Variants in GPC6 observed in about 807,000 individuals in gnomAD.
The protein encoded by GPC6 is glypican-6.
In GPC6, 14 loss-of-function variants were observed where a neutral mutation model predicts 55.2. That is an observed-to-expected ratio of 0.25 (90% CI 0.17 to 0.40). The LOEUF (loss-of-function observed/expected upper bound fraction) is 0.40, where lower values mean the gene tolerates loss of function less well. GPC6 is among the 10% of genes least tolerant of loss of function. The probability of loss-of-function intolerance (pLI) is 1.00; values close to 1 mark genes in which losing one functional copy is unlikely to be tolerated. For missense variants in GPC6, 641 were observed against 708.5 expected (o/e 0.90, Z 1.08); for synonymous variants, 278 against 259.6 (o/e 1.07, Z -0.68).
the GPC6 span, among the ~76,000 whole-genome samples, chr13:93,220,911 G>T: frequency 6.6e-6 from 1 of 151,850 alleles, no homozygotes; most frequent in African/African-American, 2.4e-5. Flanking sequence ...TTTGTGATGG[G>T]CTCTTACTGT....
At chr13:93,871,560 A>G (rs1889133405) in intron 3 of GPC6, among the ~76,000 whole-genome samples, 2 of 151,968 alleles carry the variant, frequency 1.3e-5, no homozygotes, top group Admixed American at 6.6e-5. Context: ...ACACTTCACT[A>G]TAGAGTAAAT....
At chr13:93,813,210 G>A (rs940434847) in intron 2 of GPC6, among the ~76,000 whole-genome samples, 4 of 152,170 alleles carry the variant, frequency 2.6e-5, no homozygotes, top group African/African-American at 9.6e-5. Context: ...AAGGTCAGGA[G>A]TTCGAGACCA....
chr13:94,004,370 G>C (rs1881928980), intron 3 of GPC6, among the ~76,000 whole-genome samples: 1 of 151,780 alleles, frequency 6.6e-6, no homozygotes, highest in Non-Finnish European at 1.5e-5. Context: ...ACTTAACAAT[G>C]TCTGAATGCT....
intron 2 of GPC6, among the ~76,000 whole-genome samples, chr13:93,662,197 G>A (rs1451244505): frequency 6.6e-6 from 1 of 152,100 alleles, no homozygotes; most frequent in Non-Finnish European, 1.5e-5. Context: ...TGAGTTTTCT[G>A]TTATTCATAA....
chr13:93,262,986 G>A (rs2139042788), intron 1 of GPC6, among the ~76,000 whole-genome samples: 1 of 152,294 alleles, frequency 6.6e-6, no homozygotes, highest in East Asian at 1.9e-4. Flanking sequence ...GTCTGGGTTT[G>A]CTAGCTTTAT....
chr13:93,320,191 A>T (rs567381804), intron 1 of GPC6, among the ~76,000 whole-genome samples: 6 of 152,286 alleles, frequency 3.9e-5, no homozygotes, highest in Admixed American at 3.3e-4. Flanking sequence ...GAAAATATAT[A>T]CTCATAATAA....
At chr13:93,587,685 T>G (rs1178034550) in intron 2 of GPC6, among the ~76,000 whole-genome samples, 6 of 152,122 alleles carry the variant, frequency 3.9e-5, no homozygotes, top group Non-Finnish European at 7.3e-5. Flanking sequence ...TCGACTTGAC[T>G]GTCTTACAAG....
chr13:94,155,165 T>C (rs1256204049), intron 4 of GPC6, among the ~76,000 whole-genome samples: 2 of 152,152 alleles, frequency 1.3e-5, no homozygotes, highest in African/African-American at 4.8e-5. Context: ...CTACAAGGCA[T>C]TTTTGGTGGT....
chr13:93,760,856 T>TA (rs954934185), intron 2 of GPC6, among the ~76,000 whole-genome samples: 3 of 152,208 alleles, frequency 2.0e-5, no homozygotes, highest in African/African-American at 7.2e-5. Flanking sequence ...TTAAAGTTTG[T>TA]AAAGCACCAT....
chr13:94,202,364 G>A (rs1056283821), intron 4 of GPC6, among the ~76,000 whole-genome samples: 8 of 152,178 alleles, frequency 5.3e-5, no homozygotes, highest in Non-Finnish European at 1.0e-4. Context: ...AGAAAAAGAG[G>A]TTTAATGGAC....
At chr13:93,713,612 A>G (rs1234093935) in intron 2 of GPC6, among the ~76,000 whole-genome samples, 1 of 151,588 alleles carries the variant, frequency 6.6e-6, no homozygotes, top group Non-Finnish European at 1.5e-5. Context: ...TACAGTACAT[A>G]CTTTATGATT....
intron 4 of GPC6, among the ~76,000 whole-genome samples, chr13:94,145,785 A>G (rs911463387): frequency 6.6e-6 from 1 of 152,182 alleles, no homozygotes; most frequent in Non-Finnish European, 1.5e-5. Flanking sequence ...TGAATATGTA[A>G]TTTAACAGAA....
intron 1 of GPC6, among the ~76,000 whole-genome samples, chr13:93,258,600 A>G (rs889035180): frequency 6.6e-6 from 1 of 152,080 alleles, no homozygotes; most frequent in Non-Finnish European, 1.5e-5. Flanking sequence ...TAAGCTCTGA[A>G]TGGTGGGATG....
At chr13:93,653,575 CGTGTGTGT>C (rs55845007) in intron 2 of GPC6, among the ~76,000 whole-genome samples, 3,687 of 145,700 alleles carry the variant, frequency 0.025, 158 homozygotes, top group African/African-American at 0.084. Flanking sequence ...AGTATATGGC[CGTGTGTGT>C]GTGTGTGTGT....
intron 1 of GPC6, among the ~76,000 whole-genome samples, chr13:93,492,883 T>G (rs2139359918): frequency 6.8e-6 from 1 of 146,632 alleles, no homozygotes; most frequent in Admixed American, 6.9e-5. Flanking sequence ...CACTTGATCA[T>G]GGTGGATAAG....
intron 4 of GPC6, among the ~76,000 whole-genome samples, chr13:94,031,325 A>G (rs778776979): frequency 2.0e-5 from 3 of 152,138 alleles, no homozygotes; most frequent in South Asian, 4.1e-4. Context: ...ATGCCGCTAG[A>G]CCTATTTTAG....
chr13:93,354,348 G>GTTTTTTT (rs1880751061), intron 1 of GPC6, among the ~76,000 whole-genome samples: 4 of 59,108 alleles, frequency 6.8e-5, no homozygotes, highest in East Asian at 2.3e-3. Context: ...TCCGTTGGTA[G>GTTTTTTT]ATTTTTTTTT....
intron 3 of GPC6, among the ~76,000 whole-genome samples, chr13:93,910,630 G>A (rs146331506): frequency 0.023 from 3,533 of 152,088 alleles, 50 homozygotes; most frequent in Middle Eastern, 0.037. Context: ...CTAATTCAGT[G>A]TGGTGTTCCA....
intron 4 of GPC6, among the ~76,000 whole-genome samples, chr13:94,275,321 T>C (rs1892169191): frequency 6.6e-6 from 1 of 151,970 alleles, no homozygotes. Context: ...AGTTGTAGGG[T>C]TGTTAGAGAA....
Sources: gnomAD v4.1 joint callset for allele counts (sites outside exome capture counted in the v4.1 genomes callset) on GRCh38, gnomAD v4.1.1 for gene constraint, MANE v1.5 for transcripts, NCBI Gene and HGNC (gene_info 2026-07-23, HGNC 2026-07-21) for gene names.